The following WEE1 variants were observed in gnomAD, a reference collection of about 807,000 sequenced individuals.
WEE1 encodes the protein WEE1 G2 checkpoint kinase.
WEE1 carries 16 observed loss-of-function variants against 68.8 expected under a neutral mutation model. That is an observed-to-expected ratio of 0.23 (90% CI 0.16 to 0.35). WEE1 has a LOEUF of 0.35. Ranked by LOEUF, WEE1 falls within the 10% of genes least tolerant of loss-of-function variation. The pLI is 1.00. For synonymous variants in WEE1, 349 were observed against 318.7 expected, an observed-to-expected ratio of 1.09 and a Z score of -1.01; for missense variants, 651 against 824.1, an observed-to-expected ratio of 0.79 and a Z score of 2.57.
chr11:9,583,736 T>G (rs1236939927), intron 6 of WEE1, among the ~76,000 whole-genome samples: 1 of 138,080 alleles, frequency 7.2e-6, no homozygotes, highest in Admixed American at 7.4e-5. Context: ...TAAATATTTG[T>G]GCGTGTGTGT....
In WEE1 at chr11:9,576,716, T is replaced by A; in HGVS notation, c.1019+57T>A. The stretch of plus-strand genomic sequence containing the variant: ...TTGTCCCCTATGGTGTTACTAACAT[T>A]AAGGTTTCAGCTGGTCAAACACTGA... On this transcript the variant is annotated intron_variant, in intron 4 of 10. Transcript: ENST00000450114. The surrounding 1 kb of genome is among the most constrained non-coding windows in gnomAD (Gnocchi z 4.3). The A allele has an allele frequency of 6.5e-7, 1 of 1,538,944 alleles. No homozygotes were observed. The highest frequency in any genetic ancestry group is 8.8e-7 in the Non-Finnish European group (1 of 1,140,770).
Position 9,589,598 on chromosome 11 carries a change from T to C in WEE1, c.*996T>C. ...TTTTTCACAAAATATATTTTATCTGTGATTAGCCATTTGACTAATAATACT... is the reference window on the plus strand; with the variant it reads ...TTTTTCACAAAATATATTTTATCTGCGATTAGCCATTTGACTAATAATACT... On this transcript the variant is annotated 3_prime_UTR_variant, in exon 11 of 11. Coordinates refer to ENST00000450114, the MANE Select transcript of WEE1 (RefSeq NM_003390.4). 1.0e-6 allele frequency: 1 copy of C among 985,838 alleles called. No individual in the cohort carries two copies. 61.1% of individuals were successfully genotyped at this position (985,838 alleles called of 1,614,324 possible).
chr11:9,576,630 A>C lies in WEE1; in HGVS notation c.990A>C (p.Ser330=). 1 of 1,612,970 alleles carries C rather than the reference A, an allele frequency of 6.2e-7. No homozygotes were observed. Residue 330 remains serine, a synonymous_variant, in exon 4 of 11, where the codon TCA becomes TCC. Transcript: ENST00000450114. This position sits in a 1 kb window ranked among gnomAD's most constrained non-coding sequence, Gnocchi z 4.3. The stretch of plus-strand genomic sequence containing the variant: ...GATGCATTTATGCCATTAAGCGATC[A>C]AAAAAGCCATTGGCGGGCTCTGTTG... ...LDGCIYAIKR[S]KKPLAGSVDE... is the part of the protein sequence containing the mutation.
intron 6 of WEE1, among the ~76,000 whole-genome samples, chr11:9,583,800 CACATAT>C (rs1374330977): frequency 2.8e-3 from 50 of 18,138 alleles, no homozygotes; most frequent in African/African-American, 5.1e-3. Context: ...CACACACACA[CACATAT>C]ATATATATAT....
In WEE1 at chr11:9,574,647, C is replaced by A; in HGVS notation, c.576+138C>A. 9.0e-7 allele frequency: 1 copy of A among 1,116,470 alleles called. No homozygotes were observed. Among genetic ancestry groups the A allele is most frequent in the Non-Finnish European group, 1.1e-6 (1 of 915,526 alleles). The allele number at this position is 1,116,470 out of a possible 1,614,324, so 69.2% of individuals were successfully genotyped here. A position where few individuals can be genotyped will look rare whatever the true frequency, so the allele number is the denominator to read the frequency against. On this transcript the variant is annotated intron_variant, in intron 1 of 10. Transcript: ENST00000450114. The surrounding 1 kb of genome is among the most constrained non-coding windows in gnomAD (Gnocchi z 4.9). ...TGCGCCGCCCCCCAAAGTTGGCAGCCCTTGTGTTTGGCCCTGCCCCGAGGT... is the reference window on the plus strand; with the variant it reads ...TGCGCCGCCCCCCAAAGTTGGCAGCACTTGTGTTTGGCCCTGCCCCGAGGT...
At chr11:9,580,697 C>G (rs1253106403) in intron 5 of WEE1, 1 of 152,162 alleles carries the variant, frequency 6.6e-6, no homozygotes, top group Non-Finnish European at 1.5e-5. Context: ...ACCTCGTGAT[C>G]TACCTGCCTC....
Position 9,589,479 on chromosome 11 carries a change from C to T in WEE1, c.*877C>T, listed in dbSNP as rs1156669099. 37 of 984,934 alleles carry T rather than the reference C, an allele frequency of 3.8e-5. No individual in the cohort carries two copies. Among genetic ancestry groups the T allele is most frequent in the South Asian group, 9.4e-5 (2 of 21,274 alleles). The allele number at this position is 984,934 out of a possible 1,614,324, so 61.0% of individuals were successfully genotyped here. A position where few individuals can be genotyped will look rare whatever the true frequency, so the allele number is the denominator to read the frequency against. Reference sequence around the variant, plus strand: ...TTAGTCTGTTTTTAAATGTTTTGCCCGGTTTTTCTCTTCAATATTTGTGTA... The same window carrying T: ...TTAGTCTGTTTTTAAATGTTTTGCCTGGTTTTTCTCTTCAATATTTGTGTA... On this transcript the variant is annotated 3_prime_UTR_variant, in exon 11 of 11. Transcript: ENST00000450114.
rs768889352 is a variant in WEE1 at position 9,576,501 on chromosome 11, T to A, written c.861T>A (p.Thr287=). 1.2e-6 allele frequency: 2 copies of A among 1,610,276 alleles called. No homozygotes were observed. The highest frequency in any genetic ancestry group is 3.4e-5 in the Admixed American group (2 of 58,942). Reference sequence around the variant, plus strand: ...TTTTATTACAGAGAATTACAATTACTGAAAGCAATATGAAGTCCCGGTATA... The same window carrying A: ...TTTTATTACAGAGAATTACAATTACAGAAAGCAATATGAAGTCCCGGTATA... ...ETRPAKRITI[T]ESNMKSRYTT... The change falls in exon 4 of 11, where the codon ACT becomes ACA. Residue 287 remains threonine, a synonymous_variant. Coordinates refer to ENST00000450114, the MANE Select transcript of WEE1 (RefSeq NM_003390.4). This position sits in a 1 kb window ranked among gnomAD's most constrained non-coding sequence, Gnocchi z 4.3.
chr11:9,577,235 T>C lies in WEE1; in HGVS notation c.1113T>C (p.His371=), dbSNP rs1849574096. The change falls in exon 5 of 11, where the codon CAT becomes CAC. Residue 371 remains histidine, a synonymous_variant. Coordinates refer to ENST00000450114, the MANE Select transcript of WEE1 (RefSeq NM_003390.4). ...RYFSAWAEDD[H]MLIQNEYCNG... ...TCTCTGCGTGGGCAGAAGATGATCATATGCTTATACAGAATGAATATTGTA... is the reference window on the plus strand; with the variant it reads ...TCTCTGCGTGGGCAGAAGATGATCACATGCTTATACAGAATGAATATTGTA... The C allele has an allele frequency of 1.9e-6, 3 of 1,613,992 alleles. No homozygotes were observed. Among genetic ancestry groups the C allele is most frequent in the Middle Eastern group, 3.3e-4 (2 of 6,058 alleles).
rs755550141 is a variant in WEE1, at chr11:9,585,301, TGAA to T, written c.1337_1339del (p.Glu446del). 2.2e-5 allele frequency: 36 copies of T among 1,614,158 alleles called. No homozygotes were observed. The highest frequency in any genetic ancestry group is 3.1e-5 in the Non-Finnish European group (36 of 1,180,012). On this transcript the variant is annotated inframe_deletion, in exon 7 of 11. Coordinates refer to ENST00000450114, the MANE Select transcript of WEE1 (RefSeq NM_003390.4). ...GAACCTCAATCCCAAATGCTGCCTCTGAAGAAGGAGACGAAGATGATTGGGCAT... is the reference window on the plus strand; with the variant it reads ...GAACCTCAATCCCAAATGCTGCCTCTGAAGGAGACGAAGATGATTGGGCAT...
chr11:9,581,647 A>G lies in WEE1; in HGVS notation c.1257A>G (p.Ser419=), dbSNP rs1849629395. Residue 419 remains serine, a synonymous_variant, in exon 6 of 11, where the codon TCA becomes TCG. Transcript: ENST00000450114. ...QVGRGLRYIH[S]MSLVHMDIKP... ...GCCGAGGCTTGAGGTATATTCATTC[A>G]ATGTCTTTGGTTCACATGGATATAA... The G allele has an allele frequency of 1.2e-6, 2 of 1,613,092 alleles. No homozygotes were observed. Among genetic ancestry groups the G allele is most frequent in the South Asian group, 2.2e-5 (2 of 90,900 alleles).
chr11:9,585,360 A>AAGGTAATCAGATTATTACCTTCAGAT lies in WEE1; in HGVS notation c.1384+9_1384+34dup. The AAGGTAATCAGATTATTACCTTCAGAT allele has an allele frequency of 6.2e-7, 1 of 1,613,164 alleles. No homozygotes were observed. The highest frequency in any genetic ancestry group is 8.5e-7 in the Non-Finnish European group (1 of 1,179,454). The stretch of plus-strand genomic sequence containing the variant: ...AAAGTTATGTTTAAAATAGGTAAGA[A>AAGGTAATCAGATTATTACCTTCAGAT]AGGTAATCAGATTATTACCTTCAGA... On this transcript the variant is annotated splice_region_variant and intron_variant, in intron 7 of 10. Transcript: ENST00000450114.
rs1282527309 is a variant in WEE1 at position 9,580,321 on chromosome 11, T to C, written c.1142-1211T>C. 2.6e-5 allele frequency: 4 copies of C among 152,150 alleles called. 1 individual carries two copies. The highest frequency in any genetic ancestry group is 2.6e-4 in the Admixed American group (4 of 15,266). 9.4% of individuals were successfully genotyped at this position (152,150 alleles called of 1,614,324 possible). A position where few individuals can be genotyped will look rare whatever the true frequency, so the allele number is the denominator to read the frequency against. On this transcript the variant is annotated intron_variant, in intron 5 of 10. Transcript: ENST00000450114. ...CCCTTTAACCCAGCAATTTGGCTTC[T>C]AGGTGATATACTAAATGTACGTGAA...
In WEE1 at chr11:9,574,977, G is replaced by T. The variant is rs1040728267; in HGVS notation, c.576+468G>T. 2.1e-5 allele frequency: 21 copies of T among 985,558 alleles called. No individual in the cohort carries two copies. Among genetic ancestry groups the T allele is most frequent in the Non-Finnish European group, 2.5e-5 (21 of 830,116 alleles). 61.1% of individuals were successfully genotyped at this position (985,558 alleles called of 1,614,324 possible). A position where few individuals can be genotyped will look rare whatever the true frequency, so the allele number is the denominator to read the frequency against. On this transcript the variant is annotated intron_variant, in intron 1 of 10. Coordinates refer to ENST00000450114, the MANE Select transcript of WEE1 (RefSeq NM_003390.4). This position sits in a 1 kb window ranked among gnomAD's most constrained non-coding sequence, Gnocchi z 4.9. ...ATAATTGTCCCGCCCTGATCGTGTC[G>T]TGTCGTGTGGCGTGGATGGGGGAAA...
chr11:9,589,817 A>G lies in WEE1; in HGVS notation c.*1215A>G, dbSNP rs1253203532. 1.4e-5 allele frequency: 9 copies of G among 646,788 alleles called. No individual in the cohort carries two copies. The highest frequency in any genetic ancestry group is 1.5e-5 in the Non-Finnish European group (8 of 520,396). 40.1% of individuals were successfully genotyped at this position (646,788 alleles called of 1,614,324 possible). A position where few individuals can be genotyped will look rare whatever the true frequency, so the allele number is the denominator to read the frequency against. ...ATTTTATCTCTATTATTGCTATACT[A>G]TAAAATGTATAGTGTGTATAATGTA... is the stretch of plus-strand genomic sequence containing the variant. On this transcript the variant is annotated 3_prime_UTR_variant, in exon 11 of 11. Coordinates refer to ENST00000450114, the MANE Select transcript of WEE1 (RefSeq NM_003390.4).
intron 5 of WEE1, chr11:9,579,319 C>T (rs1322265468): frequency 6.6e-6 from 1 of 152,194 alleles, no homozygotes; most frequent in Admixed American, 6.5e-5. Context: ...TTCCTCTCTC[C>T]ACATAAAGCT....
Position 9,574,872 on chromosome 11 carries a change from C to G in WEE1, c.576+363C>G. 1 of 988,228 alleles carries G rather than the reference C, an allele frequency of 1.0e-6. No homozygotes were observed. Among genetic ancestry groups the G allele is most frequent in the Non-Finnish European group, 1.2e-6 (1 of 831,794 alleles). The allele number at this position is 988,228 out of a possible 1,614,324, so 61.2% of individuals were successfully genotyped here. ...GGTGCCGGCCCGGCCACCTGACACTCCCGAGCCATAGGATGCCTTTTAAAC... is the reference window on the plus strand; with the variant it reads ...GGTGCCGGCCCGGCCACCTGACACTGCCGAGCCATAGGATGCCTTTTAAAC... On this transcript the variant is annotated intron_variant, in intron 1 of 10. Transcript: ENST00000450114. The surrounding 1 kb of genome is among the most constrained non-coding windows in gnomAD (Gnocchi z 4.9).
intron 6 of WEE1, among the ~76,000 whole-genome samples, chr11:9,583,788 CACACACACACACACATATATATATAT>C (rs1849663092): frequency 9.8e-5 from 3 of 30,710 alleles, no homozygotes; most frequent in African/African-American, 3.7e-4. Context: ...CACACACACA[CACACACACACACACATATATATATAT>C]ATATATATAT....
Position 9,574,122 on chromosome 11 carries a change from GC to G in WEE1, c.192del (p.Ala65ArgfsTer169). The G allele has an allele frequency of 8.2e-7, 1 of 1,212,390 alleles. No homozygotes were observed. Among genetic ancestry groups the G allele is most frequent in the East Asian group, 3.4e-5 (1 of 29,498 alleles). The allele number at this position is 1,212,390 out of a possible 1,614,324, so 75.1% of individuals were successfully genotyped here. On this transcript the variant is annotated frameshift_variant, in exon 1 of 11. Coordinates refer to ENST00000450114, the MANE Select transcript of WEE1 (RefSeq NM_003390.4). LOFTEE classifies it high-confidence loss of function. The surrounding 1 kb of genome is among the most constrained non-coding windows in gnomAD (Gnocchi z 4.9). ...TTCAAGAGCCCGACTCGCCGCTGCCGCCCGCGCGGAGCCCCACGGAGCCCGG... is the reference window on the plus strand; with the variant it reads ...TTCAAGAGCCCGACTCGCCGCTGCCGCCGCGCGGAGCCCCACGGAGCCCGG... ...AFQEPDSPLP[P>X]ARSPTEPGPE...
Sources: allele counts gnomAD v4.1 joint callset (sites outside exome capture counted in the v4.1 genomes callset), GRCh38; gene constraint gnomAD v4.1.1; non-coding constraint Gnocchi (gnomAD v3.1); transcripts MANE v1.5; gene names NCBI Gene and HGNC (gene_info 2026-07-23, HGNC 2026-07-21).